The following LRP1B variants were observed in gnomAD, a reference collection of about 807,000 sequenced individuals.
LRP1B encodes the protein low-density lipoprotein receptor-related protein 1B.
In LRP1B, 217 loss-of-function variants were observed where a neutral mutation model predicts 556.6. That is an observed-to-expected ratio of 0.39 (90% confidence interval 0.35 to 0.44). The LOEUF (loss-of-function observed/expected upper bound fraction) is 0.44, where lower values mean the gene tolerates loss of function less well. Ranked by LOEUF, LRP1B falls within the 20% of genes least tolerant of loss-of-function variation. The probability of loss-of-function intolerance (pLI) is 1.00; values close to 1 mark genes in which losing one functional copy is unlikely to be tolerated. For missense variants in LRP1B, 5,053 were observed against 5,620.8 expected (o/e 0.90, Z 3.23); for synonymous variants, 2,047 against 1,865.8 (o/e 1.10, Z -2.50).
chr2:140,899,579 T>A (rs1694044240), intron 23 of LRP1B, among the ~76,000 whole-genome samples: 1 of 152,234 alleles, frequency 6.6e-6, no homozygotes, highest in Non-Finnish European at 1.5e-5. Flanking sequence ...TGTGAGAGGC[T>A]GGTATGGTTA....
intron 7 of LRP1B, among the ~76,000 whole-genome samples, chr2:141,181,412 A>G (rs1328424839): frequency 6.6e-6 from 1 of 151,954 alleles, no homozygotes; most frequent in Admixed American, 6.6e-5. Flanking sequence ...GGACAGCATT[A>G]ACTAGTGGTA....
At chr2:140,588,737 G>A (rs1263093949) in intron 43 of LRP1B, among the ~76,000 whole-genome samples, 1 of 152,016 alleles carries the variant, frequency 6.6e-6, no homozygotes, top group Non-Finnish European at 1.5e-5. Flanking sequence ...AGGCCAAGGC[G>A]GGTGGATCAC....
chr2:141,186,094 A>AAAG (rs1315276928), intron 7 of LRP1B, among the ~76,000 whole-genome samples: 1 of 151,142 alleles, frequency 6.6e-6, no homozygotes, highest in Non-Finnish European at 1.5e-5. Flanking sequence ...AAAAAAAAAA[A>AAAG]AAAAACCAGT....
rs150684426 is a variant in LRP1B, at chr2:141,320,454, G to A, written c.344-65813C>T. On this transcript the variant is annotated intron_variant, in intron 3 of 90. Coordinates refer to ENST00000389484, the MANE Select transcript of LRP1B (RefSeq NM_018557.3). ...TCTTACGGAGTACGGGCGGTGAGGG[G>A]AGAAAAGAAAGCGTGCTGTAAAATT... is the stretch of plus-strand genomic sequence containing the variant. 1.8e-3 allele frequency among the ~76,000 whole-genome samples: 281 copies of A among 152,098 alleles called. 1 individual carries two copies. Among genetic ancestry groups the A allele is most frequent in the African/African-American group, 6.5e-3 (271 of 41,500 alleles).
At chr2:141,066,586 C>T (rs577741818) in intron 7 of LRP1B, among the ~76,000 whole-genome samples, 2 of 151,932 alleles carry the variant, frequency 1.3e-5, no homozygotes, top group East Asian at 1.9e-4. Context: ...TTAAATAATG[C>T]TTCTGTACTT....
At chr2:141,681,206 T>G (rs1012349770) in intron 2 of LRP1B, among the ~76,000 whole-genome samples, 1 of 151,904 alleles carries the variant, frequency 6.6e-6, no homozygotes, top group Non-Finnish European at 1.5e-5. Flanking sequence ...GTGGGAGGAT[T>G]TTTTTGTGCC....
chr2:140,593,438 G>A (rs2105173031), intron 43 of LRP1B, among the ~76,000 whole-genome samples: 1 of 152,272 alleles, frequency 6.6e-6, no homozygotes, highest in African/African-American at 2.4e-5. Flanking sequence ...AACGAACAGA[G>A]ATGATGATAG....
chr2:141,898,463 G>C (rs896429765), intron 1 of LRP1B, among the ~76,000 whole-genome samples: 4 of 152,088 alleles, frequency 2.6e-5, no homozygotes, highest in Admixed American at 2.0e-4. Context: ...TTGTTTTAAG[G>C]TGGTAAATTA....
intron 26 of LRP1B, 118 bp from the exon 27 acceptor site, chr2:140,867,952 T>A: frequency 7.7e-7 from 1 of 1,295,830 alleles, no homozygotes; most frequent in Non-Finnish European, 1.0e-6. Flanking sequence ...TTTATGGGTC[T>A]GTATCTGATT....
chr2:141,117,787 A>G (rs181407310), intron 7 of LRP1B, among the ~76,000 whole-genome samples: 1 of 152,146 alleles, frequency 6.6e-6, no homozygotes, highest in East Asian at 1.9e-4. Flanking sequence ...TTTGAAAAAT[A>G]TCGAGGCAAT....
chr2:140,981,041 T>C (rs1036567347), intron 18 of LRP1B, among the ~76,000 whole-genome samples: 1 of 132,244 alleles, frequency 7.6e-6, no homozygotes, highest in Non-Finnish European at 1.6e-5. Context: ...GGAGTTAACC[T>C]ATGAGGACGC....
At chr2:140,408,815 A>G (rs1197283686) in intron 66 of LRP1B, among the ~76,000 whole-genome samples, 7 of 152,130 alleles carry the variant, frequency 4.6e-5, no homozygotes, top group African/African-American at 1.7e-4. Flanking sequence ...TCTGAGATAA[A>G]TATGCTTATT....
At position 141,577,534 on chromosome 2, in the gene LRP1B, C is replaced by T. The variant is rs76652408; in HGVS notation, c.206-97001G>A. 1.8e-3 allele frequency among the ~76,000 whole-genome samples: 275 copies of T among 152,218 alleles called. 4 individuals carry two copies. Among genetic ancestry groups the T allele is most frequent in the Middle Eastern group, 0.014 (4 of 294 alleles). ...AGCTGCGCTGGGGAGTAATGATCAC[C>T]GTACCATGACACAAGTAACTTCTCA... On this transcript the variant is annotated intron_variant, in intron 2 of 90. Transcript: ENST00000389484.
intron 11 of LRP1B, among the ~76,000 whole-genome samples, chr2:141,020,840 C>T (rs1041621243): frequency 3.3e-5 from 5 of 152,014 alleles, no homozygotes; most frequent in African/African-American, 1.2e-4. Flanking sequence ...AAAGTGAAGG[C>T]AGTTACTTAT....
At chr2:141,573,877 C>T (rs1421270758) in intron 2 of LRP1B, among the ~76,000 whole-genome samples, 1 of 152,092 alleles carries the variant, frequency 6.6e-6, no homozygotes, top group African/African-American at 2.4e-5. Flanking sequence ...GACAAATACA[C>T]TCTACCATGA....
chr2:141,016,014 T>C, intron 12 of LRP1B, 99 bp from the exon 13 acceptor site: 2 of 870,934 alleles, frequency 2.3e-6, no homozygotes, highest in Admixed American at 1.9e-5. Flanking sequence ...AATTCTAGTT[T>C]CATTCTGATT....
intron 1 of LRP1B, among the ~76,000 whole-genome samples, chr2:141,955,370 TCTTG>T: frequency 6.6e-6 from 1 of 152,302 alleles, no homozygotes; most frequent in Admixed American, 6.5e-5. Flanking sequence ...ATTTTCTGCA[TCTTG>T]CTTGCTTTTC....
intron 11 of LRP1B, among the ~76,000 whole-genome samples, chr2:141,047,715 T>C (rs943684445): frequency 1.2e-4 from 19 of 152,126 alleles, no homozygotes; most frequent in Admixed American, 7.9e-4. Context: ...TTCGACTCTC[T>C]TGTGCCATTA....
intron 2 of LRP1B, among the ~76,000 whole-genome samples, chr2:141,532,690 C>T (rs1014210031): frequency 6.6e-6 from 1 of 151,870 alleles, no homozygotes; most frequent in Non-Finnish European, 1.5e-5. Context: ...AGTGTACAGT[C>T]AAAAAACATT....
Sources: gnomAD v4.1 joint callset for allele counts (sites outside exome capture counted in the v4.1 genomes callset) on GRCh38, gnomAD v4.1.1 for gene constraint, MANE v1.5 for transcripts, NCBI Gene and HGNC (gene_info 2026-07-23, HGNC 2026-07-21) for gene names.